Variants in MCTP1 observed in about 807,000 individuals in gnomAD.
The protein encoded by MCTP1 is multiple C2 and transmembrane domain containing 1, also known as multiple C2 and transmembrane domain-containing protein 1.
A neutral mutation model predicts 120.6 loss-of-function variants in MCTP1; 69 were observed. The observed-to-expected ratio is 0.57, with a 90% CI of 0.47 to 0.70. The LOEUF is 0.70. Among genes scored for constraint, MCTP1 ranks in the 30% least tolerant of loss-of-function variants. The pLI, the probability that MCTP1 is intolerant of heterozygous loss-of-function variation, is 0.00. For synonymous variants in MCTP1, 529 were observed against 493.1 expected (o/e 1.07, Z -0.96); for missense variants, 1,203 against 1,248.8 (o/e 0.96, Z 0.55).
chr5:95,156,018 T>A (rs1745081969), intron 1 of MCTP1, among the ~76,000 whole-genome samples: 1 of 152,126 alleles, frequency 6.6e-6, no homozygotes, highest in African/African-American at 2.4e-5. Context: ...CTGAAAGCAA[T>A]CCCTGGCCAA....
At chr5:95,071,279 C>T (rs1171934030) in intron 1 of MCTP1, among the ~76,000 whole-genome samples, 4 of 152,134 alleles carry the variant, frequency 2.6e-5, no homozygotes, top group East Asian at 1.9e-4. Flanking sequence ...CCGCTGGCTT[C>T]GTAGTCACTG....
intron 2 of MCTP1, among the ~76,000 whole-genome samples, chr5:94,991,814 TTG>T (rs1831598377): frequency 1.3e-5 from 2 of 150,760 alleles, no homozygotes; most frequent in African/African-American, 4.9e-5. Context: ...GAGGTGGAAG[TTG>T]CAGTGAGCCG....
At chr5:94,931,198 G>C (rs1814571454) in intron 6 of MCTP1, 1 of 152,072 alleles carries the variant, frequency 6.6e-6, no homozygotes, top group African/African-American at 2.4e-5. Flanking sequence ...GAAAAAGACT[G>C]TCATGTTCCA....
chr5:94,718,359 G>A (rs949411870), intron 19 of MCTP1, among the ~76,000 whole-genome samples: 2 of 151,976 alleles, frequency 1.3e-5, no homozygotes, highest in Non-Finnish European at 2.9e-5. Flanking sequence ...AACTCAAGAT[G>A]GACTAAAGAC....
chr5:95,063,630 CTATCATCTAGGCTG>C (rs889712066), intron 1 of MCTP1, among the ~76,000 whole-genome samples: 6 of 152,098 alleles, frequency 3.9e-5, no homozygotes, highest in Non-Finnish European at 7.4e-5. Context: ...GGGTCTTATT[CTATCATCTAGGCTG>C]GAGGGCAGTG....
Position 94,856,417 on chromosome 5 carries a change from T to C in MCTP1, c.2436+11916A>G, listed in dbSNP as rs985948019. ...CTACAAACACAATAAAAAAAATCTC[T>C]TAGCAGCTTTAATTGTAAACATTGA... On this transcript the variant is annotated intron_variant, in intron 17 of 22. Coordinates refer to ENST00000515393, the MANE Select transcript of MCTP1 (RefSeq NM_024717.7). Among the ~76,000 whole-genome samples, 4 of 151,766 alleles carry C rather than the reference T, an allele frequency of 2.6e-5. No individual in the cohort carries two copies. In the South Asian group the frequency reaches 8.3e-4, roughly 31 times the overall value.
chr5:94,949,528 G>GT (rs879942448), intron 3 of MCTP1, among the ~76,000 whole-genome samples: 7 of 151,498 alleles, frequency 4.6e-5, no homozygotes, highest in Admixed American at 2.6e-4. Flanking sequence ...ATTTTGTGTA[G>GT]TTTTTTTTAA....
chr5:95,212,051 C>A (rs1023914916), intron 1 of MCTP1, among the ~76,000 whole-genome samples: 11 of 152,062 alleles, frequency 7.2e-5, no homozygotes, highest in Admixed American at 3.3e-4. Flanking sequence ...ACACAAAAAA[C>A]CCTTCAAAAA....
At chr5:94,724,302 G>A (rs1480803961) in intron 19 of MCTP1, among the ~76,000 whole-genome samples, 1 of 152,002 alleles carries the variant, frequency 6.6e-6, no homozygotes, top group Non-Finnish European at 1.5e-5. Context: ...CTGGAGTGCA[G>A]TGGCTCCATC....
intron 19 of MCTP1, among the ~76,000 whole-genome samples, chr5:94,756,968 A>C (rs1317908015): frequency 1.3e-5 from 2 of 152,178 alleles, no homozygotes; most frequent in African/African-American, 4.8e-5. Context: ...GCAATATGGC[A>C]TGCTGTTTTA....
At chr5:95,117,258 G>T (rs1049966451) in intron 1 of MCTP1, among the ~76,000 whole-genome samples, 1 of 151,984 alleles carries the variant, frequency 6.6e-6, no homozygotes, top group Admixed American at 6.6e-5. Context: ...GGGTGTGGTG[G>T]CAGGCGCCTG....
intron 1 of MCTP1, among the ~76,000 whole-genome samples, chr5:95,189,717 C>T (rs939735533): frequency 2.6e-5 from 4 of 152,108 alleles, no homozygotes; most frequent in Non-Finnish European, 5.9e-5. Flanking sequence ...GAATGAGAAA[C>T]CTAAGGTCTA....
intron 18 of MCTP1, chr5:94,789,362 T>C (rs1039520197): frequency 4.6e-5 from 7 of 152,216 alleles, no homozygotes; most frequent in African/African-American, 1.2e-4. Context: ...CTTTAGTAAA[T>C]TGACTTTTAA....
At position 95,083,331 on chromosome 5, in the gene MCTP1, C is replaced by T. The variant is rs190389464; in HGVS notation, c.721-65847G>A. ...ACATGTTTCATTCTCATATGCAATG[C>T]TATGAAACAACATACTTATTTCATT... is the stretch of plus-strand genomic sequence containing the variant. On this transcript the variant is annotated intron_variant, in intron 1 of 22. Transcript: ENST00000515393. Among the ~76,000 whole-genome samples the T allele has an allele frequency of 6.2e-4, 94 of 152,254 alleles. 1 individual carries two copies. The highest frequency in any genetic ancestry group is 3.4e-3 in the Middle Eastern group (1 of 294).
intron 1 of MCTP1, among the ~76,000 whole-genome samples, chr5:95,195,496 G>A (rs1750282695): frequency 6.6e-6 from 1 of 152,136 alleles, no homozygotes; most frequent in South Asian, 2.1e-4. Context: ...AGAAAGAATT[G>A]CCATTGGCAG....
chr5:95,000,928 T>C (rs1304846944), intron 2 of MCTP1, among the ~76,000 whole-genome samples: 1 of 152,226 alleles, frequency 6.6e-6, no homozygotes, highest in East Asian at 1.9e-4. Context: ...TGTTTGGCTT[T>C]TTGTGTCCAC....
intron 1 of MCTP1, among the ~76,000 whole-genome samples, chr5:95,195,509 C>T (rs980628964): frequency 2.6e-5 from 4 of 152,002 alleles, no homozygotes; most frequent in Non-Finnish European, 5.9e-5. Flanking sequence ...ATTGGCAGCC[C>T]GTATTTTTCA....
chr5:94,725,305 T>A (rs1476096292), intron 19 of MCTP1, among the ~76,000 whole-genome samples: 1 of 152,184 alleles, frequency 6.6e-6, no homozygotes, highest in Non-Finnish European at 1.5e-5. Flanking sequence ...CCCTTCAGAG[T>A]CCATTGAAAG....
chr5:94,999,353 G>A (rs984439804), intron 2 of MCTP1, among the ~76,000 whole-genome samples: 3 of 152,116 alleles, frequency 2.0e-5, no homozygotes, highest in South Asian at 4.1e-4. Context: ...TTTAAAATGG[G>A]TTAAGCATAA....
Sources: allele counts gnomAD v4.1 joint callset (sites outside exome capture counted in the v4.1 genomes callset), GRCh38; gene constraint gnomAD v4.1.1; transcripts MANE v1.5; gene names NCBI Gene and HGNC (gene_info 2026-07-23, HGNC 2026-07-21).